The following FGF1 variants were observed in gnomAD, a reference collection of about 807,000 sequenced individuals.
FGF1 encodes beta-endothelial cell growth factor.
FGF1 carries 9 observed loss-of-function variants against 13.4 expected under a neutral mutation model. That is an observed-to-expected ratio of 0.67 (90% CI 0.40 to 1.17). The LOEUF is 1.17. Ranked by LOEUF, FGF1 falls within the 50% of genes most tolerant of loss-of-function variation. The probability of loss-of-function intolerance (pLI) is 0.01; values close to 1 mark genes in which losing one functional copy is unlikely to be tolerated. For missense variants in FGF1, 156 were observed against 192.7 expected (o/e 0.81, Z 1.13); for synonymous variants, 93 against 79.0 (o/e 1.18, Z -0.94).
intron 1 of FGF1, among the ~76,000 whole-genome samples, chr5:142,633,582 G>A (rs939487584): frequency 3.9e-5 from 6 of 152,114 alleles, no homozygotes; most frequent in Admixed American, 1.3e-4. Flanking sequence ...TTTTGTGCAC[G>A]TGCCCTACCT....
intron 1 of FGF1, among the ~76,000 whole-genome samples, chr5:142,623,491 A>G (rs990963745): frequency 3.9e-5 from 6 of 152,010 alleles, no homozygotes; most frequent in Admixed American, 6.6e-5. Flanking sequence ...GATTATAGGC[A>G]CATACCACCA....
chr5:142,637,314 C>T (rs141118203), intron 1 of FGF1, among the ~76,000 whole-genome samples: 1,374 of 120,346 alleles, frequency 0.011, 41 homozygotes, highest in African/African-American at 0.043. Flanking sequence ...TGAAGAACCA[C>T]GGCGTTTTTG....
intron 1 of FGF1, among the ~76,000 whole-genome samples, chr5:142,623,174 G>C (rs908968632): frequency 6.6e-6 from 1 of 152,092 alleles, no homozygotes; most frequent in African/African-American, 2.4e-5. Flanking sequence ...AATCCTGGTT[G>C]GACACTCACT....
chr5:142,614,002 C>T lies in FGF1; in HGVS notation c.126G>A (p.Pro42=), dbSNP rs200073265. 2.4e-5 allele frequency: 39 copies of T among 1,614,100 alleles called. No individual in the cohort carries two copies. Among genetic ancestry groups the T allele is most frequent in the East Asian group, 1.6e-4 (7 of 44,872 alleles). The change falls in exon 2 of 4, where the codon CCG becomes CCA. Residue 42 remains proline (P), a synonymous_variant. Transcript: ENST00000337706. ...SNGGHFLRIL[P]DGTVDGTRDR... is the part of the protein sequence containing the mutation. ...CCCTTGTCCCATCCACTGTGCCATC[C>T]GGAAGGATCCTCAGGAAGTGGCCCC...
At chr5:142,653,204 A>G (rs1285816935) in intron 1 of FGF1, among the ~76,000 whole-genome samples, 1 of 152,152 alleles carries the variant, frequency 6.6e-6, no homozygotes, top group Non-Finnish European at 1.5e-5. Flanking sequence ...TTAAAAAGAC[A>G]CATCCGACCT....
Position 142,661,540 on chromosome 5 carries a change from A to G in FGF1, c.-35+24417T>C, listed in dbSNP as rs565879711. Among the ~76,000 whole-genome samples the G allele has an allele frequency of 5.3e-5, 8 of 152,358 alleles. 1 individual carries two copies. In the East Asian group the frequency reaches 1.3e-3, roughly 26 times the overall value. The stretch of plus-strand genomic sequence containing the variant: ...TGCAAAAAAGAGTACATTAATTTTC[A>G]TAGCAGAGTTACTCATAAAGCCAAA... On this transcript the variant is annotated intron_variant, in intron 1 of 3. Transcript: ENST00000337706.
chr5:142,653,292 G>A (rs527616149), intron 1 of FGF1, among the ~76,000 whole-genome samples: 1 of 152,276 alleles, frequency 6.6e-6, no homozygotes, highest in South Asian at 2.1e-4. Flanking sequence ...CACGGCAGCC[G>A]GTAGTTGCGG....
chr5:142,608,327 G>A (rs1178616205), intron 2 of FGF1, among the ~76,000 whole-genome samples: 2 of 151,844 alleles, frequency 1.3e-5, no homozygotes, highest in African/African-American at 4.8e-5. Context: ...CCCGTCCTTT[G>A]CCGTGTTTAC....
chr5:142,611,076 T>G (rs2282797), intron 2 of FGF1, among the ~76,000 whole-genome samples: 8 of 152,088 alleles, frequency 5.3e-5, no homozygotes, highest in African/African-American at 1.9e-4. Flanking sequence ...ACTCTGTCAC[T>G]TCAGTCTCTA....
chr5:142,593,438 G>A lies in FGF1; in HGVS notation c.*1852C>T, dbSNP rs143217395. 69 of 152,250 alleles carry A rather than the reference G, an allele frequency of 4.5e-4. No individual in the cohort carries two copies. Among genetic ancestry groups the A allele is most frequent in the African/African-American group, 1.6e-3 (66 of 41,556 alleles). The allele number at this position is 152,250 out of a possible 1,614,324, so 9.4% of individuals were successfully genotyped here. A position where few individuals can be genotyped will look rare whatever the true frequency, so the allele number is the denominator to read the frequency against. ...GCTTACTTAGGTCAATTCTTCAATT[G>A]CACTATTGCTTTGAACTTTCACAAA... On this transcript the variant is annotated 3_prime_UTR_variant, in exon 4 of 4. Coordinates refer to ENST00000337706, the MANE Select transcript of FGF1 (RefSeq NM_000800.5).
intron 1 of FGF1, among the ~76,000 whole-genome samples, chr5:142,660,503 GCAGGGTCACCCCA>G (rs1422631554): frequency 6.6e-6 from 1 of 152,202 alleles, no homozygotes; most frequent in Non-Finnish European, 1.5e-5. Context: ...CCGCTCTGCT[GCAGGGTCACCCCA>G]CAATGGCCTC....
At chr5:142,651,092 G>A (rs1440970821) in intron 1 of FGF1, among the ~76,000 whole-genome samples, 7 of 152,034 alleles carry the variant, frequency 4.6e-5, no homozygotes, top group Middle Eastern at 3.2e-3. Flanking sequence ...GAAGGAAGGC[G>A]GCTGCGAGGG....
chr5:142,633,530 T>C (rs946961136), intron 1 of FGF1, among the ~76,000 whole-genome samples: 4 of 152,230 alleles, frequency 2.6e-5, no homozygotes, highest in African/African-American at 9.6e-5. Context: ...AAACTTCCTC[T>C]GAAGACATAC....
At chr5:142,657,793 A>G (rs1012704223) in intron 1 of FGF1, among the ~76,000 whole-genome samples, 2 of 152,194 alleles carry the variant, frequency 1.3e-5, no homozygotes, top group Non-Finnish European at 2.9e-5. Flanking sequence ...TCTGGTTTCA[A>G]TAATAACGCT....
chr5:142,657,756 C>T (rs1167752131), intron 1 of FGF1, among the ~76,000 whole-genome samples: 1 of 152,220 alleles, frequency 6.6e-6, no homozygotes, highest in Non-Finnish European at 1.5e-5. Flanking sequence ...CGGAACTTTC[C>T]AACCCACTCT....
chr5:142,635,718 T>A (rs999947369), intron 1 of FGF1, among the ~76,000 whole-genome samples: 2 of 152,114 alleles, frequency 1.3e-5, no homozygotes, highest in Admixed American at 1.3e-4. Flanking sequence ...CAACAAAGGG[T>A]TCTGACTTGC....
At chr5:142,629,834 G>A (rs569341205) in intron 1 of FGF1, among the ~76,000 whole-genome samples, 307 of 145,814 alleles carry the variant, frequency 2.1e-3, no homozygotes, top group Non-Finnish European at 4.0e-3. Flanking sequence ...TTGGATTTTT[G>A]AAAAATACTG....
chr5:142,602,993 C>T (rs1045131133), intron 2 of FGF1, among the ~76,000 whole-genome samples: 4 of 152,170 alleles, frequency 2.6e-5, no homozygotes, highest in Non-Finnish European at 5.9e-5. Context: ...AGGACTTCCT[C>T]TAGCTTCCAG....
Position 142,619,337 on chromosome 5 carries a change from A to G in FGF1, c.-34-5176T>C, listed in dbSNP as rs1300525305. Reference sequence around the variant, plus strand: ...AAAGCCACTGAAGGTAGATGTGTAGACAGACACCTGCTAAGGTGATAATTG... The same window carrying G: ...AAAGCCACTGAAGGTAGATGTGTAGGCAGACACCTGCTAAGGTGATAATTG... On this transcript the variant is annotated intron_variant, in intron 1 of 3. Transcript: ENST00000337706. Among the ~76,000 whole-genome samples, 4 of 152,304 alleles carry G rather than the reference A, an allele frequency of 2.6e-5. No homozygotes were observed. In the East Asian group the frequency reaches 7.7e-4, roughly 29 times the overall value.
Sources: allele counts gnomAD v4.1 joint callset (sites outside exome capture counted in the v4.1 genomes callset), GRCh38; gene constraint gnomAD v4.1.1; transcripts MANE v1.5; gene names NCBI Gene and HGNC (gene_info 2026-07-23, HGNC 2026-07-21).